EIF4E3: variants seen among roughly 807,000 people sequenced by gnomAD.
EIF4E3 encodes eukaryotic translation initiation factor 4E type 3.
Under a neutral mutation model 31.7 loss-of-function variants are expected in EIF4E3, and 26 were observed. The ratio of observed to expected loss-of-function variants is 0.82; its 90% CI spans 0.60 to 1.14. The LOEUF is 1.14. Among genes scored for constraint, EIF4E3 ranks in the 50% most tolerant of loss-of-function variants. EIF4E3 has a pLI of 0.00. For missense variants in EIF4E3, 304 were observed against 270.9 expected (o/e 1.12, Z -0.86); for synonymous variants, 128 against 107.7 (o/e 1.19, Z -1.17).
intron 1 of EIF4E3, among the ~76,000 whole-genome samples, chr3:71,716,409 A>G (rs2108096670): frequency 6.6e-6 from 1 of 152,010 alleles, no homozygotes. Context: ...ATTTTTTTGT[A>G]TTTTTAGTAG....
chr3:71,726,297 T>G (rs1472983967), upstream of EIF4E3, among the ~76,000 whole-genome samples: 1 of 152,146 alleles, frequency 6.6e-6, no homozygotes, highest in East Asian at 1.9e-4. Flanking sequence ...CGGGCACCTG[T>G]GAACACAGAG....
rs2048883169 is a variant in EIF4E3 at position 71,677,530 on chromosome 3, G to A, written c.*7152C>T. On this transcript the variant is annotated 3_prime_UTR_variant, in exon 7 of 7. Coordinates refer to ENST00000425534, the MANE Select transcript of EIF4E3 (RefSeq NM_001134651.2). The stretch of plus-strand genomic sequence containing the variant: ...AAAAGTGCATCAATAACGACTAGAT[G>A]ATAAAGTACACACAGAATGCATGGT... 6.6e-6 allele frequency: 1 copy of A among 152,112 alleles called. No individual in the cohort carries two copies. Among genetic ancestry groups the A allele is most frequent in the African/African-American group, 2.4e-5 (1 of 41,410 alleles). The allele number at this position is 152,112 out of a possible 1,614,324, so 9.4% of individuals were successfully genotyped here.
Position 71,683,108 on chromosome 3 carries a change from T to A in EIF4E3, c.*1574A>T, listed in dbSNP as rs1417893994. On this transcript the variant is annotated 3_prime_UTR_variant, in exon 7 of 7. Coordinates refer to ENST00000425534, the MANE Select transcript of EIF4E3 (RefSeq NM_001134651.2). The stretch of plus-strand genomic sequence containing the variant: ...CAAGTTTAGGGAAAAAAAAAAAGCA[T>A]TTTAAGAAACCTATGATGGTAAGTA... 6.6e-6 allele frequency: 1 copy of A among 152,080 alleles called. No individual in the cohort carries two copies. The highest frequency in any genetic ancestry group is 2.4e-5 in the African/African-American group (1 of 41,424). 9.4% of individuals were successfully genotyped at this position (152,080 alleles called of 1,614,324 possible). A position where few individuals can be genotyped will look rare whatever the true frequency, so the allele number is the denominator to read the frequency against.
the EIF4E3 span, among the ~76,000 whole-genome samples, chr3:71,669,688 G>A: frequency 6.6e-6 from 1 of 151,940 alleles, no homozygotes; most frequent in South Asian, 2.1e-4. Context: ...TCAACGTCTC[G>A]GTGAAGGCCT....
chr3:71,665,320 C>T, the EIF4E3 span, among the ~76,000 whole-genome samples: 201 of 152,334 alleles, frequency 1.3e-3, 1 homozygote, highest in African/African-American at 4.5e-3. Context: ...AGCCAGATGG[C>T]AGCCCACAGT....
chr3:71,746,407 T>A (rs1452360357), intron 1 of EIF4E3, among the ~76,000 whole-genome samples: 1 of 152,240 alleles, frequency 6.6e-6, no homozygotes, highest in Non-Finnish European at 1.5e-5. Context: ...CTTCCCAGGT[T>A]TACCTAAACA....
Position 71,682,717 on chromosome 3 carries a change from A to G in EIF4E3, c.*1965T>C, listed in dbSNP as rs1046366880. 1 of 152,678 alleles carries G rather than the reference A, an allele frequency of 6.5e-6. No homozygotes were observed. Among genetic ancestry groups the G allele is most frequent in the African/African-American group, 2.4e-5 (1 of 41,464 alleles). 9.5% of individuals were successfully genotyped at this position (152,678 alleles called of 1,614,324 possible). On this transcript the variant is annotated 3_prime_UTR_variant, in exon 7 of 7. Transcript: ENST00000425534. ...TTCCATGATCATAAACAGAAACTAG[A>G]AATATTAACGTGAGCCTAACATTCC...
intron 6 of EIF4E3, among the ~76,000 whole-genome samples, chr3:71,687,001 T>C (rs1326598935): frequency 6.6e-6 from 1 of 152,014 alleles, no homozygotes; most frequent in East Asian, 1.9e-4. Flanking sequence ...TTATTATTAT[T>C]TGTTGTTGTT....
At chr3:71,693,797 A>G in intron 5 of EIF4E3, 78 bp downstream of exon 5, 1 of 1,310,974 alleles carries the variant, frequency 7.6e-7, no homozygotes, top group Non-Finnish European at 1.0e-6. Context: ...CAAACACGTG[A>G]TAACAAGCTG....
chr3:71,724,505 A>G (rs555943644), intron 1 of EIF4E3, among the ~76,000 whole-genome samples: 1 of 152,296 alleles, frequency 6.6e-6, no homozygotes, highest in Non-Finnish European at 1.5e-5. Flanking sequence ...GGTCTTTCTG[A>G]AAAGATGGCA....
chr3:71,703,250 G>A (rs2049243414), intron 2 of EIF4E3, among the ~76,000 whole-genome samples: 1 of 152,160 alleles, frequency 6.6e-6, no homozygotes, highest in Admixed American at 6.5e-5. Context: ...ATGCAGGAGG[G>A]TCAGCTTTTG....
the EIF4E3 span, among the ~76,000 whole-genome samples, chr3:71,666,658 C>T: frequency 0.019 from 2,824 of 152,260 alleles, 87 homozygotes; most frequent in African/African-American, 0.064. Context: ...GAATTTCAGC[C>T]CAGCACGGTG....
intron 2 of EIF4E3, among the ~76,000 whole-genome samples, chr3:71,705,090 C>T (rs902157608): frequency 6.6e-6 from 1 of 152,116 alleles, no homozygotes; most frequent in Non-Finnish European, 1.5e-5. Context: ...TGGCTTTCCT[C>T]CTCTCTCCCC....
chr3:71,719,738 G>A (rs1008980075), intron 1 of EIF4E3, among the ~76,000 whole-genome samples: 4 of 152,110 alleles, frequency 2.6e-5, no homozygotes, highest in African/African-American at 9.7e-5. Flanking sequence ...AGAAGAGGTG[G>A]GTTTGGACAG....
upstream of EIF4E3, among the ~76,000 whole-genome samples, chr3:71,726,518 C>T (rs901922634): frequency 6.6e-6 from 1 of 152,226 alleles, no homozygotes; most frequent in African/African-American, 2.4e-5. Context: ...TAGATAGTTC[C>T]TCTCTGGCTT....
chr3:71,731,753 C>T (rs544857612), intron 1 of EIF4E3, among the ~76,000 whole-genome samples: 1 of 152,270 alleles, frequency 6.6e-6, no homozygotes, highest in South Asian at 2.1e-4. Flanking sequence ...GCACTTTTGT[C>T]CTATTACTTC....
chr3:71,716,058 G>T (rs1049276015), intron 1 of EIF4E3, among the ~76,000 whole-genome samples: 2 of 152,086 alleles, frequency 1.3e-5, no homozygotes, highest in Admixed American at 6.5e-5. Flanking sequence ...CCCACCTACT[G>T]TTTCTGCCTG....
exon 1 of EIF4E3, chr3:71,753,521 C>G (rs1213982128): frequency 6.6e-6 from 1 of 151,392 alleles, no homozygotes; most frequent in Non-Finnish European, 1.5e-5. Context: ...CCCTCCCGGC[C>G]GCCTCCCGAC....
chr3:71,710,335 G>A, intron 2 of EIF4E3, 77 bp downstream of exon 2: 2 of 1,482,614 alleles, frequency 1.3e-6, no homozygotes, highest in South Asian at 1.2e-5. Context: ...TGCCAGCACA[G>A]CAACAGATTT....
Sources: gnomAD v4.1 joint callset for allele counts (sites outside exome capture counted in the v4.1 genomes callset) on GRCh38, gnomAD v4.1.1 for gene constraint, MANE v1.5 for transcripts, NCBI Gene and HGNC (gene_info 2026-07-23, HGNC 2026-07-21) for gene names.